PCDHA5: variants seen among roughly 807,000 people sequenced by gnomAD.
PCDHA5 encodes the protein protocadherin alpha 5.
PCDHA5 carries 43 observed loss-of-function variants against 61.6 expected under a neutral mutation model. The observed-to-expected ratio is 0.70, with a 90% CI of 0.55 to 0.90. The LOEUF is 0.90. Among genes scored for constraint, PCDHA5 ranks in the 40% least tolerant of loss-of-function variants. The pLI, the probability that PCDHA5 is intolerant of heterozygous loss-of-function variation, is 0.00. For missense variants in PCDHA5, 1,298 were observed against 1,222.7 expected (o/e 1.06, Z -0.92); for synonymous variants, 627 against 543.9 (o/e 1.15, Z -2.13).
rs2150499938 is a variant in PCDHA5 at position 140,850,836 on chromosome 5, G to A, written c.2352+26709G>A. ...CAGCCCGGGCCTTTCTCCTTGTGCT[G>A]GATCTACAGAGCGAACGGGAGAACC... is the stretch of plus-strand genomic sequence containing the variant. On this transcript the variant is annotated intron_variant, in intron 1 of 3. Coordinates refer to ENST00000529859, the MANE Select transcript of PCDHA5 (RefSeq NM_018908.3). The A allele has an allele frequency of 1.2e-5, 19 of 1,597,640 alleles. 1 individual carries two copies. Among genetic ancestry groups the A allele is most frequent in the South Asian group, 3.3e-5 (3 of 90,540 alleles).
At chr5:140,929,414 A>T (rs1174756115) in intron 1 of PCDHA5, 15 of 1,504,422 alleles carry the variant, frequency 1.0e-5, no homozygotes, top group Non-Finnish European at 1.3e-5. Context: ...GCCTTTCACA[A>T]CATTTCATCA....
chr5:140,953,837 C>T (rs1585533226), intron 1 of PCDHA5, among the ~76,000 whole-genome samples: 1 of 151,614 alleles, frequency 6.6e-6, no homozygotes, highest in African/African-American at 2.4e-5. Flanking sequence ...GGTTTGTTAC[C>T]CAGGTAAACA....
intron 1 of PCDHA5, among the ~76,000 whole-genome samples, chr5:140,904,190 C>T (rs1292555686): frequency 6.6e-6 from 1 of 151,916 alleles, no homozygotes; most frequent in Non-Finnish European, 1.5e-5. Flanking sequence ...CCCTTCCCAC[C>T]CTTTCCCCCT....
intron 1 of PCDHA5, among the ~76,000 whole-genome samples, chr5:140,922,956 T>G (rs2081088317): frequency 6.6e-6 from 1 of 152,236 alleles, no homozygotes; most frequent in Non-Finnish European, 1.5e-5. Context: ...CCAGTTTGTC[T>G]TCAGCCAGTG....
intron 1 of PCDHA5, among the ~76,000 whole-genome samples, chr5:140,917,553 T>C (rs1220066857): frequency 6.6e-6 from 1 of 152,258 alleles, no homozygotes; most frequent in African/African-American, 2.4e-5. Context: ...TACATTTAAC[T>C]CTTTAATCCA....
intron 1 of PCDHA5, among the ~76,000 whole-genome samples, chr5:140,960,366 ACT>A (rs2095543381): frequency 6.6e-6 from 1 of 152,188 alleles, no homozygotes; most frequent in Non-Finnish European, 1.5e-5. Flanking sequence ...TAATATGCCA[ACT>A]CTTAAGTGCC....
intron 1 of PCDHA5, among the ~76,000 whole-genome samples, chr5:140,907,439 A>G (rs1217956706): frequency 6.6e-6 from 1 of 152,250 alleles, no homozygotes; most frequent in Admixed American, 6.5e-5. Context: ...CTGTGAGTCC[A>G]CAGATGGTAA....
intron 1 of PCDHA5, chr5:140,841,998 T>C (rs2150327142): frequency 6.2e-7 from 1 of 1,613,848 alleles, no homozygotes; most frequent in South Asian, 1.1e-5. Flanking sequence ...ACAGGCACTG[T>C]TCAGCTGCTG....
chr5:140,877,172 C>T, intron 1 of PCDHA5: 2 of 1,613,816 alleles, frequency 1.2e-6, no homozygotes, highest in Non-Finnish European at 1.7e-6. Flanking sequence ...GCACTGCTGG[C>T]GACTCCGGCT....
Position 140,822,447 on chromosome 5 carries a change from A to T in PCDHA5, c.672A>T (p.Thr224=). Reference sequence around the variant, plus strand: ...GAGGAAAACCCGAACTAACAGGTACAGTTCAGTTGTTGATCAATGTATTGG... The same window carrying T: ...GAGGAAAACCCGAACTAACAGGTACTGTTCAGTTGTTGATCAATGTATTGG... ...TDGGKPELTG[T]VQLLINVLDA... is the part of the protein sequence containing the mutation. The change falls in exon 1 of 4, where the codon ACA becomes ACT. Residue 224 remains threonine, a synonymous_variant. Coordinates refer to ENST00000529859, the MANE Select transcript of PCDHA5 (RefSeq NM_018908.3). 6.2e-7 allele frequency: 1 copy of T among 1,613,894 alleles called. No homozygotes were observed. Among genetic ancestry groups the T allele is most frequent in the Non-Finnish European group, 8.5e-7 (1 of 1,179,902 alleles).
At chr5:140,882,652 C>T (rs781900873) in intron 1 of PCDHA5, 1 of 1,614,216 alleles carries the variant, frequency 6.2e-7, no homozygotes, top group Non-Finnish European at 8.5e-7. Flanking sequence ...ACATTAACGA[C>T]AACCCGCCCA....
At chr5:140,856,621 A>T in intron 1 of PCDHA5, 1 of 1,597,974 alleles carries the variant, frequency 6.3e-7, no homozygotes, top group Non-Finnish European at 8.6e-7. Context: ...ACAAATTCCC[A>T]GTGCTTGTTC....
In PCDHA5 at chr5:141,010,166, A is replaced by G; in HGVS notation, c.*229A>G. 1 of 1,562,828 alleles carries G rather than the reference A, an allele frequency of 6.4e-7. No homozygotes were observed. The highest frequency in any genetic ancestry group is 8.7e-7 in the Non-Finnish European group (1 of 1,152,678). ...TCTCTCCACTCTGGCTTGTTTTCAG[A>G]ACCTAAAAAGCAGACCCAAGTTTCC... On this transcript the variant is annotated 3_prime_UTR_variant, in exon 4 of 4. Transcript: ENST00000529859.
At chr5:140,977,379 C>T (rs921133722) in intron 1 of PCDHA5, among the ~76,000 whole-genome samples, 4 of 152,134 alleles carry the variant, frequency 2.6e-5, no homozygotes, top group African/African-American at 2.4e-5. Flanking sequence ...AGTCATATTT[C>T]CAGGTTTATA....
At chr5:140,839,918 C>T (rs1234582853) in intron 1 of PCDHA5, among the ~76,000 whole-genome samples, 1 of 151,872 alleles carries the variant, frequency 6.6e-6, no homozygotes, top group South Asian at 2.1e-4. Flanking sequence ...GAAGAAAAAC[C>T]TTGAACAAAG....
At chr5:140,882,844 A>G in intron 1 of PCDHA5, 1 of 1,614,248 alleles carries the variant, frequency 6.2e-7, no homozygotes, top group Non-Finnish European at 8.5e-7. Flanking sequence ...TGTCTTCATT[A>G]TCACTTGTAC....
chr5:140,875,179 A>G, intron 1 of PCDHA5: 1 of 444,474 alleles, frequency 2.2e-6, no homozygotes, highest in East Asian at 4.2e-5. Context: ...AAACATTAGA[A>G]TTAAGAGTGA....
intron 1 of PCDHA5, chr5:140,871,319 T>C (rs782385310): frequency 6.2e-7 from 1 of 1,614,040 alleles, no homozygotes; most frequent in Admixed American, 1.7e-5. Flanking sequence ...CCCACGCTGG[T>C]GTGCTCCCGC....
intron 3 of PCDHA5, among the ~76,000 whole-genome samples, chr5:141,004,049 A>T (rs1372116883): frequency 6.6e-6 from 1 of 152,208 alleles, no homozygotes; most frequent in African/African-American, 2.4e-5. Flanking sequence ...TCATTTGCTG[A>T]TACTGGCCCC....
Sources: allele counts gnomAD v4.1 joint callset (sites outside exome capture counted in the v4.1 genomes callset), GRCh38; gene constraint gnomAD v4.1.1; transcripts MANE v1.5; gene names NCBI Gene and HGNC (gene_info 2026-07-23, HGNC 2026-07-21).